The following GNB5 variants were observed in gnomAD, a reference collection of about 807,000 sequenced individuals.
The protein encoded by GNB5 is G protein subunit beta 5, also known as guanine nucleotide-binding protein subunit beta-5.
A neutral mutation model predicts 55.3 loss-of-function variants in GNB5; 37 were observed. That is an observed-to-expected ratio of 0.67 (90% CI 0.51 to 0.88). The LOEUF is 0.88. Ranked by LOEUF, GNB5 falls within the 40% of genes least tolerant of loss-of-function variation. GNB5 has a pLI of 0.00. For synonymous variants in GNB5, 219 were observed against 198.5 expected (o/e 1.10, Z -0.87); for missense variants, 476 against 515.3 (o/e 0.92, Z 0.74).
chr15:52,162,239 G>C (rs1369262882), intron 3 of GNB5, among the ~76,000 whole-genome samples: 2 of 152,166 alleles, frequency 1.3e-5, no homozygotes, highest in Admixed American at 1.3e-4. Context: ...ACAGGGCCTT[G>C]GAAATATAAT....
At chr15:52,135,429 C>T (rs1287439369) in intron 8 of GNB5, among the ~76,000 whole-genome samples, 184 bp downstream of exon 8, 1 of 152,162 alleles carries the variant, frequency 6.6e-6, no homozygotes, top group Non-Finnish European at 1.5e-5. Context: ...CACCAAGCCC[C>T]CGAGAGGGGC....
rs1168734914 is a variant in GNB5, at chr15:52,136,172, A to ACACACACACACACACACACACACC, written c.628-417_628-416insGGTGTGTGTGTGTGTGTGTGTGTG. On this transcript the variant is annotated intron_variant, in intron 7 of 12. Transcript: ENST00000261837. ...CACACACACACACACACACACACAC[A>ACACACACACACACACACACACACC]CCCTACCTGCTGTATCTGGGTTCAT... Among the ~76,000 whole-genome samples, 3 of 100,050 alleles carry ACACACACACACACACACACACACC rather than the reference A, an allele frequency of 3.0e-5. 1 individual carries two copies. Among genetic ancestry groups the ACACACACACACACACACACACACC allele is most frequent in the African/African-American group, 1.3e-4 (3 of 22,726 alleles). 65.6% of individuals were successfully genotyped at this position (100,050 alleles called of 152,430 possible).
intron 7 of GNB5, chr15:52,138,093 T>C (rs2033767867): frequency 1.5e-5 from 8 of 551,652 alleles, no homozygotes; most frequent in South Asian, 1.3e-4. Context: ...CTCTCTCTTA[T>C]ATGTTAGGCC....
Position 52,179,890 on chromosome 15 carries a change from GGACGCAGCGGA to G in GNB5, c.127-22_127-12del. 6 of 1,520,300 alleles carry G rather than the reference GGACGCAGCGGA, an allele frequency of 3.9e-6. No individual in the cohort carries two copies. Among genetic ancestry groups the G allele is most frequent in the Non-Finnish European group, 5.3e-6 (6 of 1,133,726 alleles). The allele number at this position is 1,520,300 out of a possible 1,614,324, so 94.2% of individuals were successfully genotyped here. A position where few individuals can be genotyped will look rare whatever the true frequency, so the allele number is the denominator to read the frequency against. ...CCCCTCGGTTGCCATCTTCGCGCGG[GGACGCAGCGGA>G]GAGGGAAGCGGAGAGCGGGAATGCG... On this transcript the variant is annotated splice_polypyrimidine_tract_variant and intron_variant, in intron 2 of 12. Coordinates refer to ENST00000261837, the MANE Select transcript of GNB5 (RefSeq NM_016194.4).
At chr15:52,147,643 G>A in intron 5 of GNB5, 108 bp from the exon 6 acceptor site, 2 of 535,496 alleles carry the variant, frequency 3.7e-6, no homozygotes, top group Non-Finnish European at 6.6e-6. Flanking sequence ...CTGGAGTGCA[G>A]TGGCACAATC....
chr15:52,129,516 T>A (rs1168291543), intron 9 of GNB5, among the ~76,000 whole-genome samples: 1 of 152,204 alleles, frequency 6.6e-6, no homozygotes, highest in African/African-American at 2.4e-5. Flanking sequence ...GTGGGCACAT[T>A]ATATTTTTGA....
chr15:52,189,788 G>A (rs926702323), intron 1 of GNB5, among the ~76,000 whole-genome samples: 3 of 152,084 alleles, frequency 2.0e-5, no homozygotes, highest in Non-Finnish European at 4.4e-5. Context: ...CCTTAAAAAC[G>A]CTATCCTATG....
intron 10 of GNB5, among the ~76,000 whole-genome samples, chr15:52,126,653 A>C (rs1460870742): frequency 3.3e-5 from 5 of 152,180 alleles, no homozygotes; most frequent in African/African-American, 1.2e-4. Flanking sequence ...TATAAATAAT[A>C]TTATGATGAC....
At chr15:52,191,184 T>C (rs1407126227) in intron 1 of GNB5, 138 bp downstream of exon 1, 3 of 107,130 alleles carry the variant, frequency 2.8e-5, no homozygotes, top group African/African-American at 7.7e-5. Flanking sequence ...ATTCTACGGA[T>C]TAACAACAAC....
At chr15:52,190,789 A>AAC (rs1162721699) in intron 1 of GNB5, among the ~76,000 whole-genome samples, 1 of 1,046 alleles carries the variant, frequency 9.6e-4, no homozygotes, top group African/African-American at 1.6e-3. Flanking sequence ...AAAAAAAAAA[A>AAC]AAAAAAAAAA....
At chr15:52,190,657 G>A (rs2034909112) in intron 1 of GNB5, among the ~76,000 whole-genome samples, 1 of 151,812 alleles carries the variant, frequency 6.6e-6, no homozygotes. Flanking sequence ...GGGAGTATAA[G>A]TCGGTATAAC....
intron 1 of GNB5, among the ~76,000 whole-genome samples, chr15:52,190,708 C>T (rs1041225229): frequency 2.1e-5 from 3 of 141,902 alleles, no homozygotes; most frequent in East Asian, 2.1e-4. Flanking sequence ...TAAAGTGAAA[C>T]GGATATAGTC....
In GNB5 at chr15:52,122,787, A is replaced by G; in HGVS notation, c.1177-19T>C. The G allele has an allele frequency of 6.3e-7, 1 of 1,598,792 alleles. No homozygotes were observed. The highest frequency in any genetic ancestry group is 8.6e-7 in the Non-Finnish European group (1 of 1,165,928). On this transcript the variant is annotated intron_variant, in intron 12 of 12. Transcript: ENST00000261837. Reference sequence around the variant, plus strand: ...CCCAGACCTGTGAAGACACAAACAGATAGTTTTTAGACCTTTGTAGTTAAC... The same window carrying G: ...CCCAGACCTGTGAAGACACAAACAGGTAGTTTTTAGACCTTTGTAGTTAAC...
At chr15:52,159,354 C>T (rs1279232225) in intron 3 of GNB5, among the ~76,000 whole-genome samples, 1 of 152,160 alleles carries the variant, frequency 6.6e-6, no homozygotes, top group Non-Finnish European at 1.5e-5. Flanking sequence ...AGAGACTCCT[C>T]TTCTTTGGCA....
At position 52,136,113 on chromosome 15, in the gene GNB5, AACACACACACAC is replaced by A. The variant is rs751263225; in HGVS notation, c.628-369_628-358del. ...CACACACACACAGGGAAAAGCAGAA[AACACACACACAC>A]ACACACACACACACACACACACACA... On this transcript the variant is annotated intron_variant, in intron 7 of 12. Transcript: ENST00000261837. Among the ~76,000 whole-genome samples the A allele has an allele frequency of 6.0e-3, 304 of 50,724 alleles. 5 individuals carry two copies. Among genetic ancestry groups the A allele is most frequent in the South Asian group, 8.1e-3 (8 of 984 alleles). The allele number at this position is 50,724 out of a possible 152,430, so 33.3% of individuals were successfully genotyped here. A position where few individuals can be genotyped will look rare whatever the true frequency, so the allele number is the denominator to read the frequency against.
chr15:52,153,996 T>G lies in GNB5; in HGVS notation c.319A>C (p.Lys107Gln). The G allele has an allele frequency of 5.0e-6, 8 of 1,614,090 alleles. No individual in the cohort carries two copies. Among genetic ancestry groups the G allele is most frequent in the Non-Finnish European group, 6.8e-6 (8 of 1,179,910 alleles). The change falls in exon 4 of 13, where the codon AAA (lysine) becomes CAA (glutamine). Residue 107 changes from lysine (K) to glutamine (Q), a missense_variant. Transcript: ENST00000261837. ...TRRTLKGHGNKVLCMDWCKDK... is the reference protein window; with the variant it reads ...TRRTLKGHGNQVLCMDWCKDK... ...TTGCACCAGTCCATGCACAGGACTT[T>G]GTTCCCGTGGCCTTTGAGGGTCCTT...
At position 52,117,102 on chromosome 15, in the gene GNB5, A is replaced by ATATATATATATATATTTTT; in HGVS notation, c.*5654_*5655insAAAAATATATATATATATA. 1.1e-5 allele frequency: 1 copy of ATATATATATATATATTTTT among 87,102 alleles called. No individual in the cohort carries two copies. Among genetic ancestry groups the ATATATATATATATATTTTT allele is most frequent in the Admixed American group, 1.2e-4 (1 of 8,092 alleles). The allele number at this position is 87,102 out of a possible 1,614,324, so 5.4% of individuals were successfully genotyped here. A position where few individuals can be genotyped will look rare whatever the true frequency, so the allele number is the denominator to read the frequency against. On this transcript the variant is annotated 3_prime_UTR_variant, in exon 13 of 13. Coordinates refer to ENST00000261837, the MANE Select transcript of GNB5 (RefSeq NM_016194.4). ...CCACGCCCAGCTAATATATATATAT[A>ATATATATATATATATTTTT]TTTTTTTTTAGTACAGACAGGGTTT... is the stretch of plus-strand genomic sequence containing the variant.
rs1436959730 is a variant in GNB5 at position 52,139,734 on chromosome 15, G to A, written c.627+1406C>T. 2.3e-5 allele frequency: 25 copies of A among 1,106,628 alleles called. No homozygotes were observed. In the East Asian group the frequency reaches 5.1e-4, roughly 23 times the overall value. 68.6% of individuals were successfully genotyped at this position (1,106,628 alleles called of 1,614,324 possible). A position where few individuals can be genotyped will look rare whatever the true frequency, so the allele number is the denominator to read the frequency against. ...TGACCTACCCTGCCTCCCAGGCCGC[G>A]TCCCCGCCGAGGTAGCCAGCTGTGA... On this transcript the variant is annotated intron_variant, in intron 7 of 12. Transcript: ENST00000261837.
At chr15:52,158,916 G>A (rs2034272633) in intron 3 of GNB5, among the ~76,000 whole-genome samples, 1 of 152,144 alleles carries the variant, frequency 6.6e-6, no homozygotes. Flanking sequence ...CGTGGGACTT[G>A]CTAAGCTAGA....
Sources: allele counts gnomAD v4.1 joint callset (sites outside exome capture counted in the v4.1 genomes callset), GRCh38; gene constraint gnomAD v4.1.1; transcripts MANE v1.5; gene names NCBI Gene and HGNC (gene_info 2026-07-23, HGNC 2026-07-21).